Variants in PDE12 observed in about 807,000 individuals in gnomAD.
PDE12 encodes the protein phosphodiesterase 12, also known as 2',5'-phosphodiesterase 12.
In PDE12, 26 loss-of-function variants were observed where a neutral mutation model predicts 45.4. The ratio of observed to expected loss-of-function variants is 0.57; its 90% CI spans 0.42 to 0.79. The LOEUF (loss-of-function observed/expected upper bound fraction) is 0.79. Ranked by LOEUF, PDE12 falls within the 30% of genes least tolerant of loss-of-function variation. The pLI is 0.00. For missense variants in PDE12, 668 were observed against 790.0 expected, an observed-to-expected ratio of 0.85 and a Z score of 1.85; for synonymous variants, 283 against 323.9, an observed-to-expected ratio of 0.87 and a Z score of 1.36.
chr3:57,579,463 T>C, the PDE12 span, among the ~76,000 whole-genome samples: 1 of 152,002 alleles, frequency 6.6e-6, no homozygotes, highest in African/African-American at 2.4e-5. Flanking sequence ...AATTTTTGTA[T>C]TTTTAGTAGA....
the PDE12 span, among the ~76,000 whole-genome samples, chr3:57,586,008 G>A: frequency 3.9e-5 from 6 of 152,036 alleles, no homozygotes; most frequent in African/African-American, 1.4e-4. Flanking sequence ...AAGTAGGGAG[G>A]AATGTGTTTG....
At chr3:57,630,284 T>C in the PDE12 span, 1 of 689,136 alleles carries the variant, frequency 1.5e-6, no homozygotes, top group East Asian at 3.0e-5. Context: ...CCTTGGCACA[T>C]AGCACATGAT....
At chr3:57,602,388 C>T in the PDE12 span, among the ~76,000 whole-genome samples, 1 of 152,186 alleles carries the variant, frequency 6.6e-6, no homozygotes, top group Non-Finnish European at 1.5e-5. Flanking sequence ...TTTATCTGCA[C>T]AGTACAAGAA....
Position 57,563,196 on chromosome 3 carries a change from T to C in PDE12, c.*3192T>C, listed in dbSNP as rs968707181. 1 of 152,142 alleles carries C rather than the reference T, an allele frequency of 6.6e-6. No individual in the cohort carries two copies. Among genetic ancestry groups the C allele is most frequent in the East Asian group, 1.9e-4 (1 of 5,200 alleles). The allele number at this position is 152,142 out of a possible 1,614,324, so 9.4% of individuals were successfully genotyped here. A position where few individuals can be genotyped will look rare whatever the true frequency, so the allele number is the denominator to read the frequency against. On this transcript the variant is annotated 3_prime_UTR_variant, in exon 3 of 3. Coordinates refer to ENST00000311180, the MANE Select transcript of PDE12 (RefSeq NM_177966.7). ...TTCTCAGCATAATTTTTTTAAGAGATAGAGTCTCACTGTTACCCAGGCTGG... is the reference window on the plus strand; with the variant it reads ...TTCTCAGCATAATTTTTTTAAGAGACAGAGTCTCACTGTTACCCAGGCTGG...
the PDE12 span, among the ~76,000 whole-genome samples, chr3:57,581,738 T>C: frequency 4.9e-4 from 74 of 152,222 alleles, no homozygotes; most frequent in African/African-American, 1.3e-3. Context: ...AGGCAGAGGT[T>C]GCAGTGAGCC....
the PDE12 span, chr3:57,597,167 G>A: frequency 6.2e-7 from 1 of 1,603,154 alleles, no homozygotes; most frequent in African/African-American, 1.3e-5. Context: ...GTGATGGGCA[G>A]AAGCAGAAGG....
the PDE12 span, among the ~76,000 whole-genome samples, chr3:57,605,738 T>C: frequency 2.0e-5 from 3 of 152,212 alleles, 1 homozygote; most frequent in South Asian, 6.3e-4. Flanking sequence ...ATGAGAGTAA[T>C]TGATCAATTG....
At chr3:57,618,465 C>G in the PDE12 span, among the ~76,000 whole-genome samples, 3 of 151,936 alleles carry the variant, frequency 2.0e-5, no homozygotes, top group African/African-American at 7.3e-5. Flanking sequence ...CTCTGTTGCC[C>G]AGGCTTGAGT....
At position 57,564,784 on chromosome 3, in the gene PDE12, G is replaced by C. The variant is rs2069764152; in HGVS notation, c.*4780G>C. The C allele has an allele frequency of 6.7e-6, 1 of 149,352 alleles. No homozygotes were observed. The highest frequency in any genetic ancestry group is 1.5e-5 in the Non-Finnish European group (1 of 67,764). 9.3% of individuals were successfully genotyped at this position (149,352 alleles called of 1,614,324 possible). On this transcript the variant is annotated 3_prime_UTR_variant, in exon 3 of 3. Transcript: ENST00000311180. ...GGGCTTATGCAATCCTCCCACCACA[G>C]CCTCCCCAAATAGCTGGGACTACAG... is the stretch of plus-strand genomic sequence containing the variant.
chr3:57,626,709 CAA>C, the PDE12 span: 7 of 136,804 alleles, frequency 5.1e-5, no homozygotes, highest in Non-Finnish European at 4.8e-5. Context: ...AACTCCATCT[CAA>C]AAAAAAAAAA....
At position 57,562,193 on chromosome 3, in the gene PDE12, C is replaced by A; in HGVS notation, c.*2189C>A. On this transcript the variant is annotated 3_prime_UTR_variant, in exon 3 of 3. Transcript: ENST00000311180. ...TTTTGAAAGAAAAAATTCGAACATG[C>A]CCATGAAAAAAGCATACAGCTTCCA... 2 of 811,068 alleles carry A rather than the reference C, an allele frequency of 2.5e-6. No individual in the cohort carries two copies. Among genetic ancestry groups the A allele is most frequent in the Non-Finnish European group, 3.0e-6 (2 of 671,172 alleles). 50.2% of individuals were successfully genotyped at this position (811,068 alleles called of 1,614,324 possible). A position where few individuals can be genotyped will look rare whatever the true frequency, so the allele number is the denominator to read the frequency against.
At chr3:57,631,982 A>C in the PDE12 span, among the ~76,000 whole-genome samples, 1 of 144,412 alleles carries the variant, frequency 6.9e-6, no homozygotes. Context: ...TCGGCCTCCC[A>C]AAGTGCTGGG....
chr3:57,634,005 G>T, the PDE12 span, among the ~76,000 whole-genome samples: 1 of 151,864 alleles, frequency 6.6e-6, no homozygotes, highest in Non-Finnish European at 1.5e-5. Context: ...TGCTATCATG[G>T]TAGAATCTAT....
chr3:57,556,304 C>A lies in PDE12; in HGVS notation c.-76C>A. 7.0e-7 allele frequency: 1 copy of A among 1,429,306 alleles called. No homozygotes were observed. Among genetic ancestry groups the A allele is most frequent in the Non-Finnish European group, 9.3e-7 (1 of 1,080,790 alleles). 88.5% of individuals were successfully genotyped at this position (1,429,306 alleles called of 1,614,324 possible). On this transcript the variant is annotated 5_prime_UTR_variant, in exon 1 of 3. Coordinates refer to ENST00000311180, the MANE Select transcript of PDE12 (RefSeq NM_177966.7). The surrounding 1 kb of genome is among the most constrained non-coding windows in gnomAD (Gnocchi z 5.0). Reference sequence around the variant, plus strand: ...ATCTGAATGAGTCAAAGCCGGCGGCCTCGGCTCCTCAGCTCCACCTGACAG... The same window carrying A: ...ATCTGAATGAGTCAAAGCCGGCGGCATCGGCTCCTCAGCTCCACCTGACAG...
chr3:57,594,421 G>T, the PDE12 span, among the ~76,000 whole-genome samples: 1 of 152,104 alleles, frequency 6.6e-6, no homozygotes, highest in Non-Finnish European at 1.5e-5. Context: ...AGCAGTATGG[G>T]CAATATCATC....
chr3:57,610,081 T>TA, the PDE12 span, among the ~76,000 whole-genome samples: 12 of 152,078 alleles, frequency 7.9e-5, no homozygotes, highest in African/African-American at 2.9e-4. Flanking sequence ...TGGTTCAACA[T>TA]ACGCAAATCA....
chr3:57,597,358 C>T, the PDE12 span: 1 of 472,576 alleles, frequency 2.1e-6, no homozygotes, highest in Non-Finnish European at 3.9e-6. Flanking sequence ...GCGGCAGCTC[C>T]GGCTCTAGCC....
At chr3:57,595,977 T>C in the PDE12 span, among the ~76,000 whole-genome samples, 1 of 148,680 alleles carries the variant, frequency 6.7e-6, no homozygotes, top group African/African-American at 2.5e-5. Flanking sequence ...AAGAGAAAAA[T>C]AAAACCTCCT....
chr3:57,581,699 C>G, the PDE12 span, among the ~76,000 whole-genome samples: 1 of 152,104 alleles, frequency 6.6e-6, no homozygotes, highest in Admixed American at 6.6e-5. Context: ...ACTTGGGAGG[C>G]TGAGGCAGGA....
Sources: allele counts gnomAD v4.1 joint callset (sites outside exome capture counted in the v4.1 genomes callset), GRCh38; gene constraint gnomAD v4.1.1; non-coding constraint Gnocchi (gnomAD v3.1); transcripts MANE v1.5; gene names NCBI Gene and HGNC (gene_info 2026-07-23, HGNC 2026-07-21).